FRMD4A: variants seen among roughly 807,000 people sequenced by gnomAD.
FRMD4A encodes FERM domain-containing protein 4A.
FRMD4A carries 29 observed loss-of-function variants against 129.1 expected under a neutral mutation model. The observed-to-expected ratio is 0.22, with a 90% CI of 0.17 to 0.31. FRMD4A has a LOEUF of 0.31. FRMD4A is among the 10% of genes least tolerant of loss of function. The pLI, the probability that FRMD4A is intolerant of heterozygous loss-of-function variation, is 1.00. For synonymous variants in FRMD4A, 634 were observed against 571.6 expected, an observed-to-expected ratio of 1.11 and a Z score of -1.56; for missense variants, 1,272 against 1,375.8, an observed-to-expected ratio of 0.92 and a Z score of 1.19.
intron 2 of FRMD4A, among the ~76,000 whole-genome samples, chr10:14,161,148 G>T (rs1049785981): frequency 1.5e-4 from 23 of 152,122 alleles, no homozygotes; most frequent in African/African-American, 4.6e-4. Context: ...CAGAGACAGG[G>T]TTTCACTGTG....
intron 2 of FRMD4A, among the ~76,000 whole-genome samples, chr10:13,996,953 C>G (rs1320611379): frequency 6.6e-6 from 1 of 151,406 alleles, no homozygotes; most frequent in Non-Finnish European, 1.5e-5. Flanking sequence ...AGCCCTGACC[C>G]ATGATTACAT....
At chr10:13,683,237 A>G (rs1044405385) in intron 15 of FRMD4A, among the ~76,000 whole-genome samples, 1 of 152,140 alleles carries the variant, frequency 6.6e-6, no homozygotes. Context: ...AGACACGAAC[A>G]GCAGACATGC....
Position 13,657,143 on chromosome 10 carries a change from C to A in FRMD4A, c.2446G>T (p.Ala816Ser), listed in dbSNP as rs2082230463. 3 of 1,446,940 alleles carry A rather than the reference C, an allele frequency of 2.1e-6. No homozygotes were observed. In the South Asian group the frequency reaches 3.8e-5, roughly 18 times the overall value. 89.6% of individuals were successfully genotyped at this position (1,446,940 alleles called of 1,614,324 possible). The change falls in exon 22 of 25, where the codon GCG becomes TCG. Residue 816 changes from alanine (A) to serine (S), a missense_variant. Physicochemically the swap from Ala to Ser is moderately conservative, Grantham distance 99. Coordinates refer to ENST00000357447, the MANE Select transcript of FRMD4A (RefSeq NM_018027.5). ...CTGTGCAGGTACACACCGCCCCCCGCGCCCCCCGCGCCCCCCGCACCCCCG... is the reference window on the plus strand; with the variant it reads ...CTGTGCAGGTACACACCGCCCCCCGAGCCCCCCGCGCCCCCCGCACCCCCG... Reference protein sequence around the residue: ...ARGGAGGAGGAGGGVYLHSQS... With the variant: ...ARGGAGGAGGSGGGVYLHSQS...
intron 2 of FRMD4A, among the ~76,000 whole-genome samples, chr10:14,302,078 G>T (rs1472421018): frequency 6.6e-6 from 1 of 152,184 alleles, no homozygotes; most frequent in Non-Finnish European, 1.5e-5. Context: ...AATGGAAAGG[G>T]TTTGATTTTT....
chr10:13,860,977 T>G (rs889522046), intron 2 of FRMD4A, among the ~76,000 whole-genome samples: 1 of 152,166 alleles, frequency 6.6e-6, no homozygotes, highest in Non-Finnish European at 1.5e-5. Context: ...AGGCTAAGAA[T>G]AACGCTGACA....
intron 2 of FRMD4A, among the ~76,000 whole-genome samples, chr10:14,268,297 G>A (rs1425490007): frequency 6.6e-6 from 1 of 152,130 alleles, no homozygotes; most frequent in African/African-American, 2.4e-5. Context: ...CGTAGCAAAA[G>A]GCAGTCTCTC....
intron 15 of FRMD4A, among the ~76,000 whole-genome samples, chr10:13,683,752 G>A (rs5029211): frequency 2.0e-5 from 3 of 150,542 alleles, no homozygotes; most frequent in African/African-American, 7.3e-5. Context: ...TCACTCTGTC[G>A]CCCAGGCTGG....
chr10:14,239,590 G>A (rs1843961962), intron 2 of FRMD4A, among the ~76,000 whole-genome samples: 1 of 151,926 alleles, frequency 6.6e-6, no homozygotes, highest in Non-Finnish European at 1.5e-5. Flanking sequence ...TTGCGCCACT[G>A]CACTCCAGCC....
chr10:13,892,290 C>T lies in FRMD4A; in HGVS notation c.46-33378G>A, dbSNP rs78084082. ...AGCTCCCTTGGCTGAAGGCACAGCTCTTACCCCTCGATCTAGTCCAATTGT... is the reference window on the plus strand; with the variant it reads ...AGCTCCCTTGGCTGAAGGCACAGCTTTTACCCCTCGATCTAGTCCAATTGT... On this transcript the variant is annotated intron_variant, in intron 2 of 24. Coordinates refer to ENST00000357447, the MANE Select transcript of FRMD4A (RefSeq NM_018027.5). Among the ~76,000 whole-genome samples the T allele has an allele frequency of 6.3e-3, 966 of 152,250 alleles. 11 individuals are homozygous for T. Among genetic ancestry groups the T allele is most frequent in the African/African-American group, 0.022 (928 of 41,550 alleles).
At chr10:14,133,907 G>C (rs1033186831) in intron 2 of FRMD4A, among the ~76,000 whole-genome samples, 4 of 152,110 alleles carry the variant, frequency 2.6e-5, no homozygotes, top group African/African-American at 9.7e-5. Context: ...AATAGAGTTT[G>C]CTGGGGGCAT....
rs1366522544 is a variant in FRMD4A at position 13,689,199 on chromosome 10, G to C, written c.1117+4699C>G. On this transcript the variant is annotated intron_variant, in intron 15 of 24. Coordinates refer to ENST00000357447, the MANE Select transcript of FRMD4A (RefSeq NM_018027.5). Reference sequence around the variant, plus strand: ...AATGAGCAGTACACAAACTCTTTGCGGGGGGGGGGGGGGGGGGGGGGAGGG... The same window carrying C: ...AATGAGCAGTACACAAACTCTTTGCCGGGGGGGGGGGGGGGGGGGGGAGGG... 2.7e-3 allele frequency among the ~76,000 whole-genome samples: 50 copies of C among 18,530 alleles called. 2 individuals carry two copies. The highest frequency in any genetic ancestry group is 0.016 in the African/African-American group (47 of 2,950). The allele number at this position is 18,530 out of a possible 152,430, so 12.2% of individuals were successfully genotyped here.
chr10:13,980,324 G>T (rs867017082), intron 2 of FRMD4A, among the ~76,000 whole-genome samples: 3 of 152,224 alleles, frequency 2.0e-5, no homozygotes, highest in Middle Eastern at 3.4e-3. Flanking sequence ...CAAGCCCTCC[G>T]CATTCCAGCA....
At chr10:14,100,018 G>A (rs761570521) in intron 2 of FRMD4A, among the ~76,000 whole-genome samples, 3 of 152,126 alleles carry the variant, frequency 2.0e-5, no homozygotes, top group Non-Finnish European at 4.4e-5. Context: ...TACAAACACT[G>A]GGGTACAGCA....
chr10:14,086,986 T>A (rs182607837), intron 2 of FRMD4A, among the ~76,000 whole-genome samples: 20 of 152,140 alleles, frequency 1.3e-4, no homozygotes, highest in African/African-American at 4.3e-4. Flanking sequence ...GGGGTGTGTA[T>A]TGACAACCAA....
At chr10:13,911,249 GCA>G (rs2094937597) in intron 2 of FRMD4A, among the ~76,000 whole-genome samples, 1 of 152,106 alleles carries the variant, frequency 6.6e-6, no homozygotes, top group Non-Finnish European at 1.5e-5. Context: ...GTTTTTTCCT[GCA>G]CATGATAAGA....
intron 2 of FRMD4A, among the ~76,000 whole-genome samples, chr10:13,950,975 G>T (rs1299016297): frequency 6.6e-6 from 1 of 152,210 alleles, no homozygotes; most frequent in Non-Finnish European, 1.5e-5. Context: ...AGTAGAGAGA[G>T]AGAAAAGGAC....
intron 3 of FRMD4A, among the ~76,000 whole-genome samples, chr10:13,838,427 T>C (rs2093910638): frequency 6.6e-6 from 1 of 151,468 alleles, no homozygotes; most frequent in East Asian, 1.9e-4. Flanking sequence ...TTTTGTAAAC[T>C]TGTCTCTTGC....
chr10:14,053,138 G>T (rs1383566955), intron 2 of FRMD4A, among the ~76,000 whole-genome samples: 1 of 152,160 alleles, frequency 6.6e-6, no homozygotes, highest in Non-Finnish European at 1.5e-5. Context: ...AGATGGTGGG[G>T]CCAGGACCAC....
chr10:14,323,577 T>C (rs1843148247), intron 2 of FRMD4A, among the ~76,000 whole-genome samples: 1 of 5,576 alleles, frequency 1.8e-4, no homozygotes. Flanking sequence ...AATGGGTATC[T>C]ATCCTTTTTG....
Sources: allele counts gnomAD v4.1 joint callset (sites outside exome capture counted in the v4.1 genomes callset), GRCh38; gene constraint gnomAD v4.1.1; transcripts MANE v1.5; gene names NCBI Gene and HGNC (gene_info 2026-07-23, HGNC 2026-07-21).